Variants in IFT88 observed in about 807,000 individuals in gnomAD.
IFT88 encodes the protein intraflagellar transport protein 88 homolog.
A neutral mutation model predicts 119.5 loss-of-function variants in IFT88; 74 were observed. The observed-to-expected ratio is 0.62, with a 90% CI of 0.51 to 0.75. The LOEUF is 0.75. IFT88 is among the 30% of genes least tolerant of loss of function. The pLI is 0.00. For synonymous variants in IFT88, 279 were observed against 316.7 expected, an observed-to-expected ratio of 0.88 and a Z score of 1.26; for missense variants, 961 against 977.7, an observed-to-expected ratio of 0.98 and a Z score of 0.23.
intron 16 of IFT88, chr13:20,631,407 G>A (rs2048183642): frequency 4.1e-6 from 1 of 245,248 alleles, no homozygotes; most frequent in Admixed American, 4.7e-5. Flanking sequence ...TTGTGTTATT[G>A]GTAAAGAAAG....
intron 24 of IFT88, among the ~76,000 whole-genome samples, chr13:20,674,716 A>T (rs759942168): frequency 1.3e-4 from 11 of 85,612 alleles, no homozygotes; most frequent in South Asian, 4.4e-4. Flanking sequence ...ATATATATAT[A>T]TATATATATT....
chr13:20,682,009 C>T (rs1348922986), intron 24 of IFT88, among the ~76,000 whole-genome samples: 2 of 152,162 alleles, frequency 1.3e-5, no homozygotes, highest in Non-Finnish European at 1.5e-5. Flanking sequence ...ATTTTGTTTT[C>T]GGAAAGTGAT....
intron 24 of IFT88, among the ~76,000 whole-genome samples, chr13:20,687,972 C>T (rs540906255): frequency 5.9e-5 from 9 of 152,160 alleles, no homozygotes; most frequent in Non-Finnish European, 1.0e-4. Context: ...GAGCAGAGGT[C>T]GGATCAAAGA....
At position 20,685,628 on chromosome 13, in the gene IFT88, T is replaced by C. The variant is rs559068434; in HGVS notation, c.2243-5077T>C. Among the ~76,000 whole-genome samples, 231 of 152,170 alleles carry C rather than the reference T, an allele frequency of 1.5e-3. 1 individual carries two copies. Among genetic ancestry groups the C allele is most frequent in the African/African-American group, 5.4e-3 (224 of 41,504 alleles). On this transcript the variant is annotated intron_variant, in intron 24 of 25. Transcript: ENST00000351808. The stretch of plus-strand genomic sequence containing the variant: ...GCTCACGCCTGTAATCCCAGCACTT[T>C]GGGAGGCCAAGGCAGGCAGATCACT...
At chr13:20,677,079 A>G (rs1594868491) in intron 24 of IFT88, among the ~76,000 whole-genome samples, 1 of 152,152 alleles carries the variant, frequency 6.6e-6, no homozygotes, top group African/African-American at 2.4e-5. Context: ...TTCACCTCTC[A>G]TATCCTCTTT....
Position 20,591,627 on chromosome 13 carries a change from A to T in IFT88, c.274A>T (p.Thr92Ser). ...PMTGAIQDGV[T>S]RPMTAVRAAG... ...CCCATTCTCTTTAAAGGATGGAGTT[A>T]CTAGACCCATGACAGCAGTGAGAGC... The change falls in exon 6 of 26, where the codon ACT becomes TCT. Residue 92 changes from threonine (T) to serine (S), a missense_variant. By Grantham distance (58) the Thr-to-Ser change is moderately conservative. Transcript: ENST00000351808. The T allele has an allele frequency of 6.2e-7, 1 of 1,612,164 alleles. No homozygotes were observed. Among genetic ancestry groups the T allele is most frequent in the Non-Finnish European group, 8.5e-7 (1 of 1,178,526 alleles).
intron 2 of IFT88, among the ~76,000 whole-genome samples, chr13:20,577,503 A>T (rs2037615396): frequency 6.6e-6 from 1 of 151,732 alleles, no homozygotes; most frequent in Non-Finnish European, 1.5e-5. Flanking sequence ...CTGTTACATG[A>T]CTTTTTTCAC....
intron 22 of IFT88, chr13:20,663,124 TA>T: frequency 5.9e-6 from 3 of 511,940 alleles, no homozygotes; most frequent in South Asian, 4.5e-5. Flanking sequence ...ATTATATGTA[TA>T]AACTGTCTAC....
At chr13:20,602,974 A>G (rs535045376) in intron 12 of IFT88, among the ~76,000 whole-genome samples, 1 of 152,218 alleles carries the variant, frequency 6.6e-6, no homozygotes, top group Non-Finnish European at 1.5e-5. Context: ...ACACCTAGAG[A>G]AATATTATAT....
chr13:20,671,500 T>A (rs1386457545), intron 24 of IFT88, among the ~76,000 whole-genome samples: 2 of 152,224 alleles, frequency 1.3e-5, no homozygotes, highest in Non-Finnish European at 2.9e-5. Context: ...AGTCCCAGTC[T>A]TGATCGTGAC....
At chr13:20,583,775 T>G (rs569595043) in intron 3 of IFT88, among the ~76,000 whole-genome samples, 2 of 152,302 alleles carry the variant, frequency 1.3e-5, no homozygotes, top group South Asian at 2.1e-4. Context: ...TACCTTTAGA[T>G]GTTTAATCCA....
chr13:20,616,231 T>C (rs1202077161), intron 14 of IFT88, among the ~76,000 whole-genome samples: 7 of 152,188 alleles, frequency 4.6e-5, no homozygotes, highest in Non-Finnish European at 8.8e-5. Context: ...TTGTTTGTGG[T>C]GATGCTGATA....
chr13:20,684,800 G>A (rs1269057179), intron 24 of IFT88, among the ~76,000 whole-genome samples: 1 of 152,214 alleles, frequency 6.6e-6, no homozygotes, highest in African/African-American at 2.4e-5. Flanking sequence ...TCACCACAGG[G>A]ATTGCTTAAG....
chr13:20,647,172 C>T (rs1473589880), intron 20 of IFT88, among the ~76,000 whole-genome samples: 1 of 152,194 alleles, frequency 6.6e-6, no homozygotes, highest in Non-Finnish European at 1.5e-5. Flanking sequence ...TATAAACTTA[C>T]TTCCACTTGC....
intron 2 of IFT88, among the ~76,000 whole-genome samples, chr13:20,576,120 A>G (rs953874006): frequency 1.2e-4 from 19 of 152,250 alleles, no homozygotes; most frequent in Non-Finnish European, 2.2e-4. Context: ...CTGATGGTCA[A>G]TAATGTTGAG....
At chr13:20,637,199 AT>A (rs2049145495) in intron 16 of IFT88, among the ~76,000 whole-genome samples, 1 of 152,190 alleles carries the variant, frequency 6.6e-6, no homozygotes. Flanking sequence ...GGAAGTAGAT[AT>A]TGGCAATGGT....
chr13:20,604,778 A>G (rs1270978809), intron 12 of IFT88, among the ~76,000 whole-genome samples: 1 of 152,050 alleles, frequency 6.6e-6, no homozygotes, highest in Non-Finnish European at 1.5e-5. Flanking sequence ...AAAATGGTGA[A>G]ACCTCATCTC....
chr13:20,676,734 TAATC>T (rs1322756452), intron 24 of IFT88, among the ~76,000 whole-genome samples: 1 of 152,276 alleles, frequency 6.6e-6, no homozygotes, highest in East Asian at 1.9e-4. Context: ...ATGCTGCTGT[TAATC>T]AAAACATTTG....
At chr13:20,613,163 T>C (rs2044906954) in intron 13 of IFT88, among the ~76,000 whole-genome samples, 1 of 152,126 alleles carries the variant, frequency 6.6e-6, no homozygotes, top group Admixed American at 6.6e-5. Context: ...ACCTACTGAA[T>C]GGGAGAAAAT....
Sources: gnomAD v4.1 joint callset for allele counts (sites outside exome capture counted in the v4.1 genomes callset) on GRCh38, gnomAD v4.1.1 for gene constraint, MANE v1.5 for transcripts, NCBI Gene and HGNC (gene_info 2026-07-23, HGNC 2026-07-21) for gene names.